The following SNRNP70 variants were observed in gnomAD, a reference collection of about 807,000 sequenced individuals.
The protein encoded by SNRNP70 is U1 small nuclear ribonucleoprotein 70 kDa.
Under a neutral mutation model 50.5 loss-of-function variants are expected in SNRNP70, and 8 were observed. The ratio of observed to expected loss-of-function variants is 0.16; its 90% CI spans 0.09 to 0.29. The LOEUF (loss-of-function observed/expected upper bound fraction) is 0.29. Ranked by LOEUF, SNRNP70 falls within the 10% of genes least tolerant of loss-of-function variation. The pLI is 1.00. For missense variants in SNRNP70, 529 were observed against 663.5 expected (o/e 0.80, Z 2.23); for synonymous variants, 320 against 252.9 (o/e 1.27, Z -2.52).
rs1457399666 is a variant in SNRNP70 at position 49,099,459 on chromosome 19, G to A, written c.393+755G>A. Among the ~76,000 whole-genome samples the A allele has an allele frequency of 4.6e-5, 7 of 151,894 alleles. No homozygotes were observed. The East Asian group carries it at 5.8e-4, about 13-fold the overall frequency. On this transcript the variant is annotated intron_variant, in intron 6 of 9. Transcript: ENST00000598441. ...AAAAAAGTATTGTTGGGCCAGGCAC[G>A]GTGGCTCACGCCTGTAATCCCAGCA... is the stretch of plus-strand genomic sequence containing the variant.
intron 8 of SNRNP70, among the ~76,000 whole-genome samples, chr19:49,105,456 C>T (rs972427866): frequency 4.6e-5 from 7 of 152,114 alleles, no homozygotes; most frequent in Non-Finnish European, 8.8e-5. Flanking sequence ...CCAGGCCAGG[C>T]GTGGTGGCTC....
chr19:49,090,390 A>G lies in SNRNP70; in HGVS notation c.210+37A>G, dbSNP rs1037465945. On this transcript the variant is annotated intron_variant, in intron 3 of 9. Coordinates refer to ENST00000598441, the MANE Select transcript of SNRNP70 (RefSeq NM_003089.6). The stretch of plus-strand genomic sequence containing the variant: ...TTGCTTCCTGACCCCCTGTTTTACC[A>G]CTGTCTCCAGATGATCCTTGACACT... 6.2e-6 allele frequency: 10 copies of G among 1,612,994 alleles called. No homozygotes were observed. The East Asian group carries it at 2.0e-4, about 32-fold the overall frequency.
Position 49,108,452 on chromosome 19 carries a change from T to C in SNRNP70, c.*9T>C. On this transcript the variant is annotated 3_prime_UTR_variant, in exon 10 of 10. Coordinates refer to ENST00000598441, the MANE Select transcript of SNRNP70 (RefSeq NM_003089.6). ...AGGCTGCGCCGGAGTGAAGAGGTCGTCCTCTCCATCTGCTGTGTTTGGACG... is the reference window on the plus strand; with the variant it reads ...AGGCTGCGCCGGAGTGAAGAGGTCGCCCTCTCCATCTGCTGTGTTTGGACG... 1 of 1,586,140 alleles carries C rather than the reference T, an allele frequency of 6.3e-7. No homozygotes were observed. Among genetic ancestry groups the C allele is most frequent in the Non-Finnish European group, 8.6e-7 (1 of 1,167,166 alleles).
chr19:49,107,720 T>G lies in SNRNP70; in HGVS notation c.665+8T>G, dbSNP rs754065263. The G allele has an allele frequency of 1.9e-6, 3 of 1,613,800 alleles. No homozygotes were observed. The highest frequency in any genetic ancestry group is 2.2e-5 in the South Asian group (2 of 91,070). On this transcript the variant is annotated splice_region_variant and intron_variant, in intron 9 of 9. Transcript: ENST00000598441. The surrounding 1 kb of genome is among the most constrained non-coding windows in gnomAD (Gnocchi z 6.0). Reference sequence around the variant, plus strand: ...CTCCCGCTACGATGAGAGGTAAGATTGGGCGACCGGTGTCCTGGGGTGGGG... The same window carrying G: ...CTCCCGCTACGATGAGAGGTAAGATGGGGCGACCGGTGTCCTGGGGTGGGG...
Position 49,086,426 on chromosome 19 carries a change from C to T in SNRNP70, c.12C>T (p.Phe4=), listed in dbSNP as rs756812011. The change falls in exon 2 of 10, where the codon TTC becomes TTT. Residue 4 remains phenylalanine (F), a synonymous_variant. Coordinates refer to ENST00000598441, the MANE Select transcript of SNRNP70 (RefSeq NM_003089.6). MTQ[F]LPPNLLALFA... The stretch of plus-strand genomic sequence containing the variant: ...TCAGACTTGGCAAGATGACCCAGTT[C>T]CTGCCGCCCAACCTTCTGGCCCTCT... 5.0e-6 allele frequency: 8 copies of T among 1,612,774 alleles called. No homozygotes were observed. Among genetic ancestry groups the T allele is most frequent in the Admixed American group, 1.7e-5 (1 of 59,880 alleles).
At chr19:49,105,603 T>A (rs1214885035) in intron 8 of SNRNP70, among the ~76,000 whole-genome samples, 1 of 152,090 alleles carries the variant, frequency 6.6e-6, no homozygotes, top group Non-Finnish European at 1.5e-5. Flanking sequence ...GGCGGGTGCC[T>A]GTAATCCCAT....
At chr19:49,095,868 A>C (rs1041099090) in intron 4 of SNRNP70, among the ~76,000 whole-genome samples, 1 of 151,620 alleles carries the variant, frequency 6.6e-6, no homozygotes, top group Non-Finnish European at 1.5e-5. Context: ...CAACAACTAT[A>C]GCATTTCCAG....
intron 4 of SNRNP70, among the ~76,000 whole-genome samples, chr19:49,098,173 T>C (rs976207032): frequency 1.3e-5 from 2 of 152,216 alleles, no homozygotes; most frequent in South Asian, 2.1e-4. Context: ...TCCTGTCAGC[T>C]TGAAGTCAGC....
In SNRNP70 at chr19:49,098,502, A is replaced by G. The variant is rs770751569; in HGVS notation, c.330+11A>G. The G allele has an allele frequency of 5.0e-6, 8 of 1,612,506 alleles. No homozygotes were observed. The Admixed American group carries it at 1.3e-4, about 27-fold the overall frequency. On this transcript the variant is annotated intron_variant, in intron 5 of 9. Transcript: ENST00000598441. ...TTCGTGGCGAGAGTGGTAAGTCCCC[A>G]GCTCCTAGCTCCTGGAACCCCACGC...
intron 2 of SNRNP70, among the ~76,000 whole-genome samples, chr19:49,088,528 GCT>G (rs1568417103): frequency 1.6e-5 from 2 of 128,252 alleles, no homozygotes; most frequent in African/African-American, 6.1e-5. Flanking sequence ...ATGGAGTATC[GCT>G]CTGTTGCCCA....
At chr19:49,095,944 T>C (rs893065886) in intron 4 of SNRNP70, among the ~76,000 whole-genome samples, 2 of 143,440 alleles carry the variant, frequency 1.4e-5, no homozygotes, top group Non-Finnish European at 3.0e-5. Context: ...TAAAAAGAAT[T>C]ACCTATTGAA....
In SNRNP70 at chr19:49,108,219, C is replaced by T. The variant is rs1476624294; in HGVS notation, c.1090C>T (p.Arg364Trp). The stretch of plus-strand genomic sequence containing the variant: ...GCGGAGCCACCGGAGCGAGCGCGAG[C>T]GGCGCCGGGACCGGGATCGTGACCG... Reference protein sequence around the residue: ...RRRSHRSERERRRDRDRDRDR... With the variant: ...RRRSHRSEREWRRDRDRDRDR... The change falls in exon 10 of 10, where the codon CGG becomes TGG. Residue 364 changes from arginine to tryptophan, a missense_variant. Arg to Trp is a moderately radical substitution (Grantham distance 101). Transcript: ENST00000598441. The T allele has an allele frequency of 3.3e-6, 5 of 1,532,952 alleles. No individual in the cohort carries two copies. The highest frequency in any genetic ancestry group is 1.4e-5 in the African/African-American group (1 of 72,448). The allele number at this position is 1,532,952 out of a possible 1,614,324, so 95.0% of individuals were successfully genotyped here.
rs2040685890 is a variant in SNRNP70 at position 49,107,394 on chromosome 19, G to C, written c.578-231G>C. 6.6e-6 allele frequency among the ~76,000 whole-genome samples: 1 copy of C among 152,224 alleles called. No homozygotes were observed. The highest frequency in any genetic ancestry group is 2.4e-5 in the African/African-American group (1 of 41,468). On this transcript the variant is annotated intron_variant, in intron 8 of 9. Coordinates refer to ENST00000598441, the MANE Select transcript of SNRNP70 (RefSeq NM_003089.6). This position sits in a 1 kb window ranked among gnomAD's most constrained non-coding sequence, Gnocchi z 6.0. ...GATGATGCGCTTTGGGGCCAGACAT[G>C]GGTTCCAGTAACGGCTGTTGCCTAG...
At chr19:49,086,306 CTT>C in intron 1 of SNRNP70, 97 bp from the exon 2 acceptor site, 4 of 1,376,832 alleles carry the variant, frequency 2.9e-6, no homozygotes, top group Non-Finnish European at 3.9e-6. Flanking sequence ...AATTCCGAGA[CTT>C]TTCTCCTGTC....
At chr19:49,085,859 C>G (rs998030270) in intron 1 of SNRNP70, among the ~76,000 whole-genome samples, 1 of 152,076 alleles carries the variant, frequency 6.6e-6, no homozygotes, top group Non-Finnish European at 1.5e-5. Flanking sequence ...GGTGTGTGGC[C>G]TTTTTTCTTT....
chr19:49,105,195 G>A (rs186464278), intron 8 of SNRNP70, among the ~76,000 whole-genome samples: 1 of 152,216 alleles, frequency 6.6e-6, no homozygotes, highest in Admixed American at 6.5e-5. Flanking sequence ...CACCAGCTGT[G>A]TGCCGGGCTT....
In SNRNP70 at chr19:49,107,892, C is replaced by G; in HGVS notation, c.763C>G (p.Arg255Gly). ...SRERDKERER[R>G]RSRSRDRRRR... ...GGAGCGAGACAAGGAGCGAGAACGG[C>G]GACGCTCCCGCTCCCGGGACCGGCG... The change falls in exon 10 of 10, where the codon CGA becomes GGA. Residue 255 changes from arginine to glycine, a missense_variant. This residue lies in a region of SNRNP70 where 327 missense variants were observed against 308.8 expected (regional missense o/e 1.06). Transcript: ENST00000598441. This position sits in a 1 kb window ranked among gnomAD's most constrained non-coding sequence, Gnocchi z 6.0. 1 of 1,549,018 alleles carries G rather than the reference C, an allele frequency of 6.5e-7. No individual in the cohort carries two copies. The highest frequency in any genetic ancestry group is 8.7e-7 in the Non-Finnish European group (1 of 1,147,354).
In SNRNP70 at chr19:49,104,340, C is replaced by T; in HGVS notation, c.476-294C>T. On this transcript the variant is annotated intron_variant, in intron 7 of 9. Coordinates refer to ENST00000598441, the MANE Select transcript of SNRNP70 (RefSeq NM_003089.6). This position sits in a 1 kb window ranked among gnomAD's most constrained non-coding sequence, Gnocchi z 5.4. Reference sequence around the variant, plus strand: ...CCGCCCTGGCGGGAGGGGGCTGTTCCATCATGTGGGAGAGGAAGGGCCGGG... The same window carrying T: ...CCGCCCTGGCGGGAGGGGGCTGTTCTATCATGTGGGAGAGGAAGGGCCGGG... 1 of 370,144 alleles carries T rather than the reference C, an allele frequency of 2.7e-6. No individual in the cohort carries two copies. The highest frequency in any genetic ancestry group is 5.2e-5 in the East Asian group (1 of 19,404). 22.9% of individuals were successfully genotyped at this position (370,144 alleles called of 1,614,324 possible). A position where few individuals can be genotyped will look rare whatever the true frequency, so the allele number is the denominator to read the frequency against.
rs1421211804 is a variant in SNRNP70, at chr19:49,107,362, T to C, written c.578-263T>C. ...TTTGAGGAGGCTGTGAAGTGCGCTA[T>C]GGTTAAGATGATGCGCTTTGGGGCC... On this transcript the variant is annotated intron_variant, in intron 8 of 9. Transcript: ENST00000598441. The surrounding 1 kb of genome is among the most constrained non-coding windows in gnomAD (Gnocchi z 6.0). 6.6e-6 allele frequency among the ~76,000 whole-genome samples: 1 copy of C among 152,162 alleles called. No homozygotes were observed. The highest frequency in any genetic ancestry group is 1.5e-5 in the Non-Finnish European group (1 of 68,030).
Sources: allele counts gnomAD v4.1 joint callset (sites outside exome capture counted in the v4.1 genomes callset), GRCh38; gene constraint gnomAD v4.1.1; regional missense constraint gnomAD v4.1.1; non-coding constraint Gnocchi (gnomAD v3.1); transcripts MANE v1.5; gene names NCBI Gene and HGNC (gene_info 2026-07-23, HGNC 2026-07-21).